Variants in INPP5D observed in about 807,000 individuals in gnomAD.
INPP5D encodes inositol polyphosphate-5-phosphatase D.
In INPP5D, 33 loss-of-function variants were observed where a neutral mutation model predicts 122.9. The ratio of observed to expected loss-of-function variants is 0.27; its 90% confidence interval spans 0.20 to 0.36. The LOEUF (loss-of-function observed/expected upper bound fraction) is 0.36, where lower values mean the gene tolerates loss of function less well. INPP5D is among the 10% of genes least tolerant of loss of function. The pLI, the probability that INPP5D is intolerant of heterozygous loss-of-function variation, is 1.00. For missense variants in INPP5D, 1,053 were observed against 1,412.7 expected (o/e 0.75, Z 4.08); for synonymous variants, 584 against 576.2 (o/e 1.01, Z -0.19).
chr2:233,094,510 CCCAAAAAAAAAAAAAAAA>C lies in INPP5D; in HGVS notation c.198+15113_198+15130del, dbSNP rs1406120898. On this transcript the variant is annotated intron_variant, in intron 2 of 26. Transcript: ENST00000445964. ...CTTGGGCAATAGAGCAAGACTCCAT[CCCAAAAAAAAAAAAAAAA>C]AAAAAAAAAAAAAATTCTAAAATCT... Among the ~76,000 whole-genome samples, 47 of 27,786 alleles carry C rather than the reference CCCAAAAAAAAAAAAAAAA, an allele frequency of 1.7e-3. 3 individuals are homozygous for C. Among genetic ancestry groups the C allele is most frequent in the African/African-American group, 5.5e-3 (45 of 8,166 alleles). 18.2% of individuals were successfully genotyped at this position (27,786 alleles called of 152,430 possible).
At chr2:233,092,240 C>G (rs1482507271) in intron 2 of INPP5D, among the ~76,000 whole-genome samples, 1 of 152,254 alleles carries the variant, frequency 6.6e-6, no homozygotes, top group African/African-American at 2.4e-5. Context: ...CAGGCAGCTT[C>G]TCTCCAGGCT....
chr2:233,157,146 C>T (rs1028740958), intron 9 of INPP5D, among the ~76,000 whole-genome samples: 13 of 152,196 alleles, frequency 8.5e-5, no homozygotes, highest in Admixed American at 6.5e-5. Context: ...ACCGATTCTT[C>T]CTTTCTTGGA....
chr2:233,135,439 C>T (rs1463999314), intron 5 of INPP5D, among the ~76,000 whole-genome samples: 3 of 152,006 alleles, frequency 2.0e-5, no homozygotes, highest in Non-Finnish European at 4.4e-5. Flanking sequence ...GGGCTTAAGC[C>T]TTGGCTCCCC....
chr2:233,145,303 G>C (rs1047914953), intron 6 of INPP5D: 4 of 455,914 alleles, frequency 8.8e-6, no homozygotes, highest in African/African-American at 8.0e-5. Flanking sequence ...CATCTCTCTG[G>C]GCCCTGTATG....
intron 9 of INPP5D, among the ~76,000 whole-genome samples, chr2:233,154,602 G>A (rs555962930): frequency 7.9e-5 from 12 of 152,342 alleles, no homozygotes; most frequent in African/African-American, 2.9e-4. Flanking sequence ...CTTCTAATCT[G>A]TATGTCTACG....
At chr2:233,097,013 T>G (rs1220908684) in intron 2 of INPP5D, among the ~76,000 whole-genome samples, 1 of 152,238 alleles carries the variant, frequency 6.6e-6, no homozygotes, top group Non-Finnish European at 1.5e-5. Context: ...GTTTTTATGT[T>G]TAGCTCTTTA....
intron 5 of INPP5D, among the ~76,000 whole-genome samples, chr2:233,135,954 T>C (rs1170293018): frequency 6.6e-6 from 1 of 152,072 alleles, no homozygotes; most frequent in Non-Finnish European, 1.5e-5. Flanking sequence ...GTGATGAAAA[T>C]AGAAATAAGT....
rs545948488 is a variant in INPP5D at position 233,189,579 on chromosome 2, C to T, written c.2359-271C>T. 2.0e-5 allele frequency among the ~76,000 whole-genome samples: 3 copies of T among 152,256 alleles called. No homozygotes were observed. The highest frequency in any genetic ancestry group is 7.2e-5 in the African/African-American group (3 of 41,546). ...TGGATGGGGCCCATCTGGGGTCAGGCCTTCTTGCTGGGACCTGGGAGCCAG... is the reference window on the plus strand; with the variant it reads ...TGGATGGGGCCCATCTGGGGTCAGGTCTTCTTGCTGGGACCTGGGAGCCAG... On this transcript the variant is annotated intron_variant, in intron 21 of 26. Coordinates refer to ENST00000445964, the MANE Select transcript of INPP5D (RefSeq NM_001017915.3). The surrounding 1 kb of genome is among the most constrained non-coding windows in gnomAD (Gnocchi z 5.6).
At chr2:233,064,813 A>C (rs1035132920) in intron 1 of INPP5D, among the ~76,000 whole-genome samples, 1 of 152,214 alleles carries the variant, frequency 6.6e-6, no homozygotes, top group African/African-American at 2.4e-5. Flanking sequence ...CAGAGAGTCC[A>C]ACAGAGTTGG....
At chr2:233,094,369 C>T (rs1304178133) in intron 2 of INPP5D, among the ~76,000 whole-genome samples, 7 of 151,286 alleles carry the variant, frequency 4.6e-5, no homozygotes, top group Admixed American at 1.3e-4. Context: ...AAAAATTAGC[C>T]GGGCTTAGTG....
intron 2 of INPP5D, among the ~76,000 whole-genome samples, chr2:233,111,401 G>A (rs1323975399): frequency 6.6e-6 from 1 of 152,174 alleles, no homozygotes; most frequent in Non-Finnish European, 1.5e-5. Flanking sequence ...CTTCTGGGCT[G>A]AGGCTCAATC....
At chr2:233,157,697 A>T (rs895749724) in intron 9 of INPP5D, among the ~76,000 whole-genome samples, 8 of 152,296 alleles carry the variant, frequency 5.3e-5, no homozygotes, top group African/African-American at 1.9e-4. Context: ...GACAGTCAAA[A>T]ATGTAATAGG....
chr2:233,138,303 TAAAAA>T (rs749510803), intron 5 of INPP5D, among the ~76,000 whole-genome samples: 45,905 of 103,542 alleles, frequency 0.44, 9,109 homozygotes, highest in Non-Finnish European at 0.54. Context: ...TAAGATTGTC[TAAAAA>T]AAAAAAAAAA....
chr2:233,099,919 G>GA (rs767165324), intron 2 of INPP5D, among the ~76,000 whole-genome samples: 5 of 152,176 alleles, frequency 3.3e-5, no homozygotes, highest in East Asian at 3.9e-4. Flanking sequence ...GGCGGAAGGT[G>GA]AAGGGCACAT....
rs1694985020 is a variant in INPP5D, at chr2:233,188,937, C to A, written c.2359-913C>A. On this transcript the variant is annotated intron_variant, in intron 21 of 26. Coordinates refer to ENST00000445964, the MANE Select transcript of INPP5D (RefSeq NM_001017915.3). The surrounding 1 kb of genome is among the most constrained non-coding windows in gnomAD (Gnocchi z 4.7). ...GGTGCCCAGAGCCCTGTACCAGGAG[C>A]CTTTTGGTGTCTGGAAAGGAAGGGA... 6.6e-6 allele frequency among the ~76,000 whole-genome samples: 1 copy of A among 152,132 alleles called. No individual in the cohort carries two copies.
In INPP5D at chr2:233,160,170, G is replaced by T. The variant is rs1437732390; in HGVS notation, c.1138-1554G>T. Among the ~76,000 whole-genome samples the T allele has an allele frequency of 6.6e-6, 1 of 152,150 alleles. No homozygotes were observed. Among genetic ancestry groups the T allele is most frequent in the Non-Finnish European group, 1.5e-5 (1 of 68,022 alleles). On this transcript the variant is annotated intron_variant, in intron 10 of 26. Coordinates refer to ENST00000445964, the MANE Select transcript of INPP5D (RefSeq NM_001017915.3). The surrounding 1 kb of genome is among the most constrained non-coding windows in gnomAD (Gnocchi z 4.2). ...GGTCATTATGACATCTTTGTGAGCT[G>T]GTGTCTTCAGGGAGGACTTACTGAG... is the stretch of plus-strand genomic sequence containing the variant.
At chr2:233,061,205 G>A (rs1015379530) in intron 1 of INPP5D, among the ~76,000 whole-genome samples, 1 of 150,678 alleles carries the variant, frequency 6.6e-6, no homozygotes, top group Non-Finnish European at 1.5e-5. Context: ...TGAGCACTTG[G>A]CTGTGACCGC....
intron 9 of INPP5D, among the ~76,000 whole-genome samples, chr2:233,150,400 A>T (rs1282900042): frequency 6.6e-6 from 1 of 152,208 alleles, no homozygotes; most frequent in African/African-American, 2.4e-5. Flanking sequence ...AGGCCTCCCC[A>T]GCCATGTGGA....
chr2:233,062,356 C>T (rs1691099949), intron 1 of INPP5D, among the ~76,000 whole-genome samples: 1 of 152,234 alleles, frequency 6.6e-6, no homozygotes, highest in South Asian at 2.1e-4. Flanking sequence ...CTAGGATTAG[C>T]CTGAGCCAGA....
Sources: allele counts gnomAD v4.1 joint callset (sites outside exome capture counted in the v4.1 genomes callset), GRCh38; gene constraint gnomAD v4.1.1; non-coding constraint Gnocchi (gnomAD v3.1); transcripts MANE v1.5; gene names NCBI Gene and HGNC (gene_info 2026-07-23, HGNC 2026-07-21).